PARD6B: variants seen among roughly 807,000 people sequenced by gnomAD.
The protein encoded by PARD6B is par-6 family cell polarity regulator beta.
PARD6B carries 4 observed loss-of-function variants against 10.5 expected under a neutral mutation model. The observed-to-expected ratio is 0.38, with a 90% CI of 0.19 to 0.87. The LOEUF is 0.87. PARD6B is among the 40% of genes least tolerant of loss of function. PARD6B has a pLI of 0.41. For missense variants in PARD6B, 396 were observed against 470.6 expected, an observed-to-expected ratio of 0.84 and a Z score of 1.47; for synonymous variants, 169 against 170.4, an observed-to-expected ratio of 0.99 and a Z score of 0.07.
Position 50,751,851 on chromosome 20 carries a change from G to A in PARD6B, c.*1363G>A, listed in dbSNP as rs868074329. On this transcript the variant is annotated 3_prime_UTR_variant, in exon 3 of 3. Coordinates refer to ENST00000371610, the MANE Select transcript of PARD6B (RefSeq NM_032521.3). ...TGAGTAGCTAAGATTACAGGTGTGC[G>A]CCAACACGTCTGGCTTATTTTTTTG... The A allele has an allele frequency of 5.2e-5, 45 of 867,940 alleles. No individual in the cohort carries two copies. The highest frequency in any genetic ancestry group is 1.2e-3 in the Middle Eastern group (2 of 1,702). The allele number at this position is 867,940 out of a possible 1,614,324, so 53.8% of individuals were successfully genotyped here.
At chr20:50,731,875 G>A (rs1200129795) in intron 1 of PARD6B, 23 bp downstream of exon 1, 2 of 1,416,256 alleles carry the variant, frequency 1.4e-6, no homozygotes, top group Non-Finnish European at 1.8e-6. Context: ...CGGGCTGGGC[G>A]GAGCGGCGGG....
intron 2 of PARD6B, among the ~76,000 whole-genome samples, chr20:50,745,224 G>A (rs956405942): frequency 2.6e-5 from 4 of 152,180 alleles, no homozygotes; most frequent in African/African-American, 9.7e-5. Context: ...AACGTCAGGA[G>A]TTCGCCACCA....
In PARD6B at chr20:50,751,940, G is replaced by A. The variant is rs1452397378; in HGVS notation, c.*1452G>A. Reference sequence around the variant, plus strand: ...GTGGGTCTCAAACTCCTGACCTCAAGTGATCCGCCCATCTCCTCCCAAAGT... The same window carrying A: ...GTGGGTCTCAAACTCCTGACCTCAAATGATCCGCCCATCTCCTCCCAAAGT... On this transcript the variant is annotated 3_prime_UTR_variant, in exon 3 of 3. Coordinates refer to ENST00000371610, the MANE Select transcript of PARD6B (RefSeq NM_032521.3). 22 of 965,248 alleles carry A rather than the reference G, an allele frequency of 2.3e-5. No individual in the cohort carries two copies. The Admixed American group carries it at 1.3e-3, about 57-fold the overall frequency. The allele number at this position is 965,248 out of a possible 1,614,324, so 59.8% of individuals were successfully genotyped here. A position where few individuals can be genotyped will look rare whatever the true frequency, so the allele number is the denominator to read the frequency against.
chr20:50,750,251 T>G lies in PARD6B; in HGVS notation c.882T>G (p.Asp294Glu). Residue 294 changes from aspartate (D) to glutamate (E), a missense_variant, in exon 3 of 3, where the codon GAT becomes GAG. Physicochemically the swap from Asp to Glu is conservative, Grantham distance 45. Around this residue, in one of 2 missense-constraint regions of PARD6B, gnomAD observed 188 missense variants for 169.7 expected, o/e 1.11. Coordinates refer to ENST00000371610, the MANE Select transcript of PARD6B (RefSeq NM_032521.3). ...CAGAGGATGAAGACAGCGAAGAAGA[T>G]GACATTATCATTGAAGACAATGGAG... The part of the protein sequence containing the change: ...FEPEDEDSEE[D>E]DIIIEDNGVP... 1 of 1,614,184 alleles carries G rather than the reference T, an allele frequency of 6.2e-7. No individual in the cohort carries two copies. Among genetic ancestry groups the G allele is most frequent in the Non-Finnish European group, 8.5e-7 (1 of 1,180,038 alleles).
Position 50,731,728 on chromosome 20 carries a change from C to G in PARD6B, c.-59C>G. On this transcript the variant is annotated 5_prime_UTR_variant, in exon 1 of 3. Transcript: ENST00000371610. ...GAGATCCCCAGTCGCGCACTCGCTCCCCGCGCTCCTGAGGGGCCGCCCGGC... is the reference window on the plus strand; with the variant it reads ...GAGATCCCCAGTCGCGCACTCGCTCGCCGCGCTCCTGAGGGGCCGCCCGGC... 1 of 1,381,660 alleles carries G rather than the reference C, an allele frequency of 7.2e-7. No individual in the cohort carries two copies. Among genetic ancestry groups the G allele is most frequent in the Non-Finnish European group, 9.4e-7 (1 of 1,067,956 alleles). 85.6% of individuals were successfully genotyped at this position (1,381,660 alleles called of 1,614,324 possible). A position where few individuals can be genotyped will look rare whatever the true frequency, so the allele number is the denominator to read the frequency against.
rs1213728370 is a variant in PARD6B at position 50,752,188 on chromosome 20, T to C, written c.*1700T>C. ...ATTCTTGTTCCCATTCCCAGTCTCA[T>C]TTGAAATCATTCCTTTTATTGTTAG... On this transcript the variant is annotated 3_prime_UTR_variant, in exon 3 of 3. Transcript: ENST00000371610. 2 of 985,648 alleles carry C rather than the reference T, an allele frequency of 2.0e-6. No homozygotes were observed. Among genetic ancestry groups the C allele is most frequent in the African/African-American group, 1.7e-5 (1 of 57,244 alleles). 61.1% of individuals were successfully genotyped at this position (985,648 alleles called of 1,614,324 possible).
At chr20:50,739,187 G>A (rs1229685486) in intron 2 of PARD6B, among the ~76,000 whole-genome samples, 4 of 151,962 alleles carry the variant, frequency 2.6e-5, no homozygotes, top group Non-Finnish European at 5.9e-5. Flanking sequence ...TGGCTCACGT[G>A]TGTAATCCCA....
In PARD6B at chr20:50,734,774, G is replaced by A. The variant is rs374260898; in HGVS notation, c.66+2922G>A. On this transcript the variant is annotated intron_variant, in intron 1 of 2. Coordinates refer to ENST00000371610, the MANE Select transcript of PARD6B (RefSeq NM_032521.3). The stretch of plus-strand genomic sequence containing the variant: ...GAGCTCAAGTGATATTCCCACCTAG[G>A]CCTCCCAAAGTGTTTGGATTATAGG... Among the ~76,000 whole-genome samples the A allele has an allele frequency of 5.3e-5, 8 of 152,144 alleles. No homozygotes were observed. In the East Asian group the frequency reaches 1.2e-3, roughly 22 times the overall value.
chr20:50,733,013 A>G (rs902213652), intron 1 of PARD6B, among the ~76,000 whole-genome samples: 26 of 152,208 alleles, frequency 1.7e-4, no homozygotes, highest in African/African-American at 6.3e-4. Flanking sequence ...AGCTTCCTAG[A>G]GCCTCTAGGT....
intron 1 of PARD6B, among the ~76,000 whole-genome samples, 188 bp from the exon 2 acceptor site, chr20:50,737,669 G>T (rs1463318097): frequency 6.6e-6 from 1 of 152,152 alleles, no homozygotes; most frequent in African/African-American, 2.4e-5. Flanking sequence ...ACAGCAGTCA[G>T]GAGGCACATT....
At position 50,750,525 on chromosome 20, in the gene PARD6B, T is replaced by C. The variant is rs1405354298; in HGVS notation, c.*37T>C. 6.3e-7 allele frequency: 1 copy of C among 1,588,198 alleles called. No individual in the cohort carries two copies. Among genetic ancestry groups the C allele is most frequent in the African/African-American group, 1.3e-5 (1 of 74,254 alleles). ...GAATGTTTTCAGAGTGAGGATGCCA[T>C]GAGGACTTGTACATTTGGCTAGTTT... On this transcript the variant is annotated 3_prime_UTR_variant, in exon 3 of 3. Coordinates refer to ENST00000371610, the MANE Select transcript of PARD6B (RefSeq NM_032521.3).
chr20:50,738,053 T>G lies in PARD6B; in HGVS notation c.263T>G (p.Leu88Arg), dbSNP rs1367883573. 1 of 1,606,784 alleles carries G rather than the reference T, an allele frequency of 6.2e-7. No individual in the cohort carries two copies. Among genetic ancestry groups the G allele is most frequent in the Non-Finnish European group, 8.5e-7 (1 of 1,176,932 alleles). The change falls in exon 2 of 3, where the codon CTG becomes CGG. Residue 88 changes from leucine to arginine, a missense_variant. This residue lies in a region of PARD6B where 208 missense variants were observed against 300.9 expected (regional missense o/e 0.69). Coordinates refer to ENST00000371610, the MANE Select transcript of PARD6B (RefSeq NM_032521.3). Reference protein sequence around the residue: ...YHKAVSTANPLLRIFIQKKEE... With the variant: ...YHKAVSTANPRLRIFIQKKEE... Reference sequence around the variant, plus strand: ...AAAGCTGTTTCAACGGCCAATCCACTGCTTAGGATATTTATACAAAAGAAG... The same window carrying G: ...AAAGCTGTTTCAACGGCCAATCCACGGCTTAGGATATTTATACAAAAGAAG...
At chr20:50,736,508 G>A (rs1425889459) in intron 1 of PARD6B, among the ~76,000 whole-genome samples, 1 of 152,124 alleles carries the variant, frequency 6.6e-6, no homozygotes, top group Non-Finnish European at 1.5e-5. Flanking sequence ...TAAAGTGCTG[G>A]TCTCCGCAGT....
Position 50,751,110 on chromosome 20 carries a change from TA to T in PARD6B, c.*623del, listed in dbSNP as rs1235283261. The T allele has an allele frequency of 1.2e-5, 6 of 488,648 alleles. No individual in the cohort carries two copies. Among genetic ancestry groups the T allele is most frequent in the Non-Finnish European group, 1.6e-5 (6 of 377,276 alleles). The allele number at this position is 488,648 out of a possible 1,614,324, so 30.3% of individuals were successfully genotyped here. On this transcript the variant is annotated 3_prime_UTR_variant, in exon 3 of 3. Coordinates refer to ENST00000371610, the MANE Select transcript of PARD6B (RefSeq NM_032521.3). ...TCAGCCTCCTGAGTAGCTGGGACCA[TA>T]GGCACATACCACCACATCTGTCTAC... is the stretch of plus-strand genomic sequence containing the variant.
At chr20:50,746,195 G>A (rs2123706298) in intron 2 of PARD6B, among the ~76,000 whole-genome samples, 1 of 152,170 alleles carries the variant, frequency 6.6e-6, no homozygotes, top group Admixed American at 6.5e-5. Context: ...TATGAGCAAA[G>A]GAATGAGATT....
Position 50,737,971 on chromosome 20 carries a change from G to C in PARD6B, c.181G>C (p.Gly61Arg). 3 of 1,613,494 alleles carry C rather than the reference G, an allele frequency of 1.9e-6. No homozygotes were observed. The highest frequency in any genetic ancestry group is 2.5e-6 in the Non-Finnish European group (3 of 1,179,742). ...GATCCCCAATGTTGACGTTTTGGTA[G>C]GCTATGCAGACATCCATGGAGACTT... ...HKIPNVDVLV[G>R]YADIHGDLLP... The change falls in exon 2 of 3, where the codon GGC becomes CGC. Residue 61 changes from glycine (G) to arginine (R), a missense_variant. Gly to Arg is a moderately radical substitution (Grantham distance 125, BLOSUM62 -2). Transcript: ENST00000371610.
chr20:50,737,804 G>T (rs894421885), intron 1 of PARD6B, 53 bp from the exon 2 acceptor site: 44 of 1,217,878 alleles, frequency 3.6e-5, no homozygotes, highest in Non-Finnish European at 4.7e-5. Flanking sequence ...TTTCAAATTG[G>T]GTCCTTTTAC....
chr20:50,753,164 A>T lies in PARD6B; in HGVS notation c.*2676A>T, dbSNP rs563761774. 5.6e-5 allele frequency: 55 copies of T among 985,296 alleles called. No individual in the cohort carries two copies. In the South Asian group the frequency reaches 2.5e-3, roughly 45 times the overall value. The allele number at this position is 985,296 out of a possible 1,614,324, so 61.0% of individuals were successfully genotyped here. On this transcript the variant is annotated 3_prime_UTR_variant, in exon 3 of 3. Coordinates refer to ENST00000371610, the MANE Select transcript of PARD6B (RefSeq NM_032521.3). ...TTTGTACAAATTTTAACTGTAAAAT[A>T]CAGATTTATCTTGTACGCATTCATG...
At position 50,752,152 on chromosome 20, in the gene PARD6B, T is replaced by C; in HGVS notation, c.*1664T>C. 1 of 985,600 alleles carries C rather than the reference T, an allele frequency of 1.0e-6. No individual in the cohort carries two copies. Among genetic ancestry groups the C allele is most frequent in the East Asian group, 1.1e-4 (1 of 8,822 alleles). The allele number at this position is 985,600 out of a possible 1,614,324, so 61.1% of individuals were successfully genotyped here. On this transcript the variant is annotated 3_prime_UTR_variant, in exon 3 of 3. Transcript: ENST00000371610. ...TTGACTTTGGAAATATGGAAGTCTC[T>C]CCTTTAACCTATTCTTGTTCCCATT...
Sources: gnomAD v4.1 joint callset for allele counts (sites outside exome capture counted in the v4.1 genomes callset) on GRCh38, gnomAD v4.1.1 for gene constraint, gnomAD v4.1.1 regional missense constraint, MANE v1.5 for transcripts, NCBI Gene and HGNC (gene_info 2026-07-23, HGNC 2026-07-21) for gene names.